The following GABRA3 variants were observed in gnomAD, a reference collection of about 807,000 sequenced individuals.
GABRA3 encodes gamma-aminobutyric acid receptor subunit alpha-3.
Under a neutral mutation model 30.1 loss-of-function variants are expected in GABRA3, and 10 were observed. That is an observed-to-expected ratio of 0.33 (90% CI 0.20 to 0.56). The LOEUF (loss-of-function observed/expected upper bound fraction) is 0.56, where lower values mean the gene tolerates loss of function less well. Ranked by LOEUF, GABRA3 falls within the 20% of genes least tolerant of loss-of-function variation. The pLI, the probability that GABRA3 is intolerant of heterozygous loss-of-function variation, is 0.89. For missense variants in GABRA3, 233 were observed against 392.0 expected, an observed-to-expected ratio of 0.59 and a Z score of 3.42; for synonymous variants, 151 against 146.8, an observed-to-expected ratio of 1.03 and a Z score of -0.21.
chrX:152,178,267 C>CGT (rs890631490), intron 9 of GABRA3, among the ~76,000 whole-genome samples: 37 of 80,262 alleles, frequency 4.6e-4, no homozygotes, highest in Admixed American at 6.9e-4. Flanking sequence ...TGTGTGTGTG[C>CGT]GTGTGTGTGT....
chrX:152,450,350 A>G (rs1317720699), intron 1 of GABRA3, among the ~76,000 whole-genome samples: 1 of 107,630 alleles, frequency 9.3e-6, no homozygotes, highest in African/African-American at 3.4e-5. Flanking sequence ...CCTTCCAAGG[A>G]CACAGCTGGA....
chrX:152,178,678 G>A (rs1937106036), intron 9 of GABRA3, among the ~76,000 whole-genome samples: 1 of 111,398 alleles, frequency 9.0e-6, no homozygotes, highest in Non-Finnish European at 1.9e-5. Context: ...GTTGAGATTT[G>A]TTTTTTCATT....
At chrX:152,220,508 T>C (rs1444439959) in intron 6 of GABRA3, among the ~76,000 whole-genome samples, 1 of 111,798 alleles carries the variant, frequency 8.9e-6, no homozygotes, top group Non-Finnish European at 1.9e-5. Context: ...AGCTCTGCTA[T>C]GGACATTCTT....
intron 9 of GABRA3, among the ~76,000 whole-genome samples, chrX:152,184,187 C>G (rs767781334): frequency 9.0e-6 from 1 of 111,179 alleles, no homozygotes; most frequent in South Asian, 3.7e-4. Flanking sequence ...GTTTTTCTTA[C>G]GTTCTCTTTA....
intron 1 of GABRA3, among the ~76,000 whole-genome samples, chrX:152,449,789 A>C (rs1948553687): frequency 8.9e-6 from 1 of 112,042 alleles, no homozygotes; most frequent in Non-Finnish European, 1.9e-5. Context: ...TTGCCAGTTT[A>C]ATTTCCAACT....
chrX:152,189,727 C>G lies in GABRA3; in HGVS notation c.1143+3G>C. 8.4e-7 allele frequency: 1 copy of G among 1,193,825 alleles called. No individual in the cohort carries two copies. The highest frequency in any genetic ancestry group is 1.1e-6 in the Non-Finnish European group (1 of 881,382). ...TCTCAGTTTCTCTTTTGCTATATCT[C>G]ACCTTCATCTCCAGGGCCTCTGGCA... On this transcript the variant is annotated splice_donor_region_variant and intron_variant, in intron 9 of 9. Coordinates refer to ENST00000370314, the MANE Select transcript of GABRA3 (RefSeq NM_000808.4).
intron 4 of GABRA3, among the ~76,000 whole-genome samples, chrX:152,266,251 A>T (rs1938821709): frequency 8.9e-6 from 1 of 112,077 alleles, no homozygotes; most frequent in Non-Finnish European, 1.9e-5. Context: ...TAGCAAACCA[A>T]ATTCAACAAC....
chrX:152,283,912 C>G (rs1939242785), intron 4 of GABRA3, among the ~76,000 whole-genome samples: 1 of 110,515 alleles, frequency 9.0e-6, no homozygotes, highest in Admixed American at 9.7e-5. Context: ...TAATAATGGC[C>G]AGGTATACAA....
intron 9 of GABRA3, among the ~76,000 whole-genome samples, chrX:152,186,498 A>T (rs770559863): frequency 8.1e-5 from 9 of 111,099 alleles, no homozygotes; most frequent in Non-Finnish European, 1.5e-4. Flanking sequence ...CATCGCCTTC[A>T]GCGCCATCAG....
At chrX:152,347,917 A>T (rs1603245886) in intron 2 of GABRA3, among the ~76,000 whole-genome samples, 1 of 111,735 alleles carries the variant, frequency 8.9e-6, no homozygotes, top group African/African-American at 3.3e-5. Context: ...AGGTTGGAGG[A>T]TTACTTGAGC....
chrX:152,311,331 CA>C lies in GABRA3; in HGVS notation c.263-26597del, dbSNP rs1227831099. Among the ~76,000 whole-genome samples, 5 of 111,768 alleles carry C rather than the reference CA, an allele frequency of 4.5e-5. No individual in the cohort carries two copies. In the Admixed American group the frequency reaches 4.8e-4, roughly 11 times the overall value. ...TAACAAAATACTAGCACACCAAATC[CA>C]GCAACACATCAAAAGGCTAATCCAC... On this transcript the variant is annotated intron_variant, in intron 3 of 9. Coordinates refer to ENST00000370314, the MANE Select transcript of GABRA3 (RefSeq NM_000808.4).
At chrX:152,229,120 C>T (rs1468732332) in intron 5 of GABRA3, among the ~76,000 whole-genome samples, 3 of 111,321 alleles carry the variant, frequency 2.7e-5, no homozygotes, top group Non-Finnish European at 5.7e-5. Flanking sequence ...TCCAACCTTT[C>T]TCCCTCTTCA....
intron 3 of GABRA3, among the ~76,000 whole-genome samples, chrX:152,294,242 C>G (rs1413579411): frequency 9.0e-6 from 1 of 111,485 alleles, no homozygotes; most frequent in African/African-American, 3.3e-5. Context: ...GTTCCATTCT[C>G]CCCATCACTT....
At chrX:152,210,779 C>A (rs1034082114) in intron 6 of GABRA3, among the ~76,000 whole-genome samples, 5 of 111,774 alleles carry the variant, frequency 4.5e-5, no homozygotes, top group African/African-American at 1.3e-4. Context: ...GCTATGATTC[C>A]TTATAATTCC....
At chrX:152,220,516 C>A in intron 6 of GABRA3, among the ~76,000 whole-genome samples, 1 of 111,511 alleles carries the variant, frequency 9.0e-6, no homozygotes, top group Non-Finnish European at 1.9e-5. Flanking sequence ...TATGGACATT[C>A]TTTATATGCC....
chrX:152,217,771 T>C (rs755245998), intron 6 of GABRA3, among the ~76,000 whole-genome samples: 5 of 110,481 alleles, frequency 4.5e-5, no homozygotes, highest in African/African-American at 1.6e-4. Context: ...CAGTTGCTCA[T>C]AGTATTCCCA....
intron 1 of GABRA3, among the ~76,000 whole-genome samples, chrX:152,414,863 A>T (rs993959380): frequency 9.1e-6 from 1 of 109,569 alleles, no homozygotes; most frequent in Admixed American, 9.8e-5. Flanking sequence ...CACCAAAAAA[A>T]AAAAAAAAAC....
intron 1 of GABRA3, among the ~76,000 whole-genome samples, chrX:152,384,932 A>G: frequency 8.9e-6 from 1 of 111,938 alleles, no homozygotes; most frequent in Non-Finnish European, 1.9e-5. Flanking sequence ...AAAATGGACA[A>G]AAGACTTAAA....
At chrX:152,426,771 G>C (rs748178491) in intron 1 of GABRA3, among the ~76,000 whole-genome samples, 1 of 111,910 alleles carries the variant, frequency 8.9e-6, no homozygotes, top group African/African-American at 3.2e-5. Context: ...AATGATAAGA[G>C]CAAATATATC....
Sources: allele counts gnomAD v4.1 joint callset (sites outside exome capture counted in the v4.1 genomes callset), GRCh38; gene constraint gnomAD v4.1.1; transcripts MANE v1.5; gene names NCBI Gene and HGNC (gene_info 2026-07-23, HGNC 2026-07-21).